The following CSMD1 variants were observed in gnomAD, a reference collection of about 807,000 sequenced individuals.
CSMD1 encodes CUB and sushi domain-containing protein 1.
CSMD1 carries 213 observed loss-of-function variants against 417.5 expected under a neutral mutation model. The observed-to-expected ratio is 0.51, with a 90% CI of 0.46 to 0.57. The LOEUF is 0.57. CSMD1 is among the 20% of genes least tolerant of loss of function. The pLI, the probability that CSMD1 is intolerant of heterozygous loss-of-function variation, is 0.00. For synonymous variants in CSMD1, 2,862 were observed against 1,736.8 expected, an observed-to-expected ratio of 1.65 and a Z score of -16.11; for missense variants, 6,923 against 4,529.7, an observed-to-expected ratio of 1.53 and a Z score of -15.17.
intron 5 of CSMD1, among the ~76,000 whole-genome samples, chr8:3,769,798 T>A (rs73658239): frequency 6.6e-6 from 1 of 152,184 alleles, no homozygotes; most frequent in African/African-American, 2.4e-5. Context: ...TTATAGCACA[T>A]CACCTTACGA....
Position 3,721,118 on chromosome 8 carries a change from C to T in CSMD1, c.932-12627G>A, listed in dbSNP as rs113395662. Reference sequence around the variant, plus strand: ...GATTACAGGTGTGAGCCACCATGCCCGGCCAGTTGCGACTTTTGCATAATG... The same window carrying T: ...GATTACAGGTGTGAGCCACCATGCCTGGCCAGTTGCGACTTTTGCATAATG... On this transcript the variant is annotated intron_variant, in intron 6 of 69. Transcript: ENST00000635120. Among the ~76,000 whole-genome samples the T allele has an allele frequency of 6.3e-3, 964 of 152,284 alleles. 7 individuals carry two copies. The highest frequency in any genetic ancestry group is 0.021 in the African/African-American group (855 of 41,546).
intron 26 of CSMD1, among the ~76,000 whole-genome samples, chr8:3,232,312 T>C (rs1352416112): frequency 6.6e-6 from 1 of 152,354 alleles, no homozygotes; most frequent in South Asian, 2.1e-4. Context: ...TCTCTCTGTC[T>C]TAAATGCTTA....
At chr8:3,401,375 A>C (rs1023130135) in intron 15 of CSMD1, among the ~76,000 whole-genome samples, 2 of 152,102 alleles carry the variant, frequency 1.3e-5, no homozygotes, top group Non-Finnish European at 2.9e-5. Flanking sequence ...CCAAATATTA[A>C]TTATTTTATT....
At chr8:4,214,221 G>T (rs866891762) in intron 3 of CSMD1, among the ~76,000 whole-genome samples, 8 of 152,134 alleles carry the variant, frequency 5.3e-5, no homozygotes, top group African/African-American at 1.9e-4. Flanking sequence ...TAAATGAATG[G>T]ACTAAAATGG....
intron 18 of CSMD1, among the ~76,000 whole-genome samples, chr8:3,380,071 G>A (rs1355758176): frequency 1.3e-5 from 2 of 152,164 alleles, no homozygotes; most frequent in Admixed American, 1.3e-4. Flanking sequence ...ATCAAAAAGT[G>A]GGTGAAGGAT....
At chr8:4,554,979 G>T (rs889964504) in intron 2 of CSMD1, among the ~76,000 whole-genome samples, 1 of 152,154 alleles carries the variant, frequency 6.6e-6, no homozygotes, top group Non-Finnish European at 1.5e-5. Context: ...GGCCACCAGG[G>T]CCCCTGAGGA....
At chr8:4,791,992 T>C (rs1797718015) in intron 1 of CSMD1, among the ~76,000 whole-genome samples, 1 of 152,132 alleles carries the variant, frequency 6.6e-6, no homozygotes, top group Admixed American at 6.6e-5. Flanking sequence ...CTTTATAGTG[T>C]GTGTCTCAAA....
chr8:3,616,897 G>T (rs943955352), intron 7 of CSMD1, 100 bp from the exon 8 acceptor site: 7 of 710,652 alleles, frequency 9.9e-6, no homozygotes, highest in Non-Finnish European at 1.6e-5. Flanking sequence ...TAATGATAAT[G>T]ACTTAAAATG....
At position 4,637,458 on chromosome 8, in the gene CSMD1, G is replaced by C. The variant is rs36074048; in HGVS notation, c.186C>G (p.Ile62Met). 1 of 1,613,820 alleles carries C rather than the reference G, an allele frequency of 6.2e-7. No homozygotes were observed. Among genetic ancestry groups the C allele is most frequent in the Non-Finnish European group, 8.5e-7 (1 of 1,179,856 alleles). Residue 62 changes from isoleucine (I) to methionine (M), a missense_variant, in exon 2 of 70, where the codon ATC (isoleucine) becomes ATG (methionine). Ile to Met is a conservative substitution (Grantham distance 10). Transcript: ENST00000635120. ...GTATCCTATTGCGCTCGCCCGTGAT[G>C]ATGATCCAGGTGCAGTTGGCATAGT... ...YPNYANCTWI[I>M]ITGERNRIQL... is the part of the protein sequence containing the mutation.
At position 3,669,153 on chromosome 8, in the gene CSMD1, G is replaced by C. The variant is rs143912389; in HGVS notation, c.1009+39261C>G. ...CTCAAGGGCAGAATGGTTAAAACAA[G>C]GAAAGCACGTACAAATGAGCATAAA... is the stretch of plus-strand genomic sequence containing the variant. On this transcript the variant is annotated intron_variant, in intron 7 of 69. Transcript: ENST00000635120. Among the ~76,000 whole-genome samples the C allele has an allele frequency of 9.3e-3, 1,413 of 152,258 alleles. 15 individuals are homozygous for C. Among genetic ancestry groups the C allele is most frequent in the African/African-American group, 0.029 (1,189 of 41,554 alleles).
intron 1 of CSMD1, among the ~76,000 whole-genome samples, chr8:4,849,484 A>T (rs971380951): frequency 6.6e-6 from 1 of 152,068 alleles, no homozygotes; most frequent in Non-Finnish European, 1.5e-5. Flanking sequence ...CCTAGATCTC[A>T]CGTTCAATTA....
intron 5 of CSMD1, among the ~76,000 whole-genome samples, chr8:3,895,508 G>A (rs866511090): frequency 2.6e-5 from 4 of 152,050 alleles, no homozygotes; most frequent in African/African-American, 9.7e-5. Flanking sequence ...ATCAATTTAA[G>A]TGTATCTATC....
At chr8:4,504,084 T>C (rs182837244) in intron 2 of CSMD1, among the ~76,000 whole-genome samples, 24 of 152,260 alleles carry the variant, frequency 1.6e-4, no homozygotes, top group Non-Finnish European at 3.1e-4. Flanking sequence ...AATCCTACTA[T>C]GTCCACTGAT....
chr8:3,799,572 G>C (rs546884891), intron 5 of CSMD1, among the ~76,000 whole-genome samples: 1 of 151,828 alleles, frequency 6.6e-6, no homozygotes, highest in African/African-American at 2.4e-5. Context: ...CTTATCATTT[G>C]AAACTGAATA....
intron 1 of CSMD1, among the ~76,000 whole-genome samples, chr8:4,651,699 T>G (rs1250773771): frequency 3.9e-5 from 6 of 152,210 alleles, no homozygotes; most frequent in African/African-American, 1.4e-4. Flanking sequence ...CTGTCATTAT[T>G]ATTTCAACAT....
intron 2 of CSMD1, among the ~76,000 whole-genome samples, chr8:4,503,000 G>T (rs1473748824): frequency 6.6e-6 from 1 of 151,834 alleles, no homozygotes; most frequent in Non-Finnish European, 1.5e-5. Flanking sequence ...TCTGGCACAG[G>T]AAATAAAAAA....
intron 1 of CSMD1, among the ~76,000 whole-genome samples, chr8:4,983,800 C>T (rs755294953): frequency 1.3e-5 from 2 of 150,278 alleles, no homozygotes; most frequent in African/African-American, 2.5e-5. Context: ...TAGTAACTGA[C>T]AAAAAAATTA....
chr8:3,352,130 C>G (rs1808464057), intron 21 of CSMD1, among the ~76,000 whole-genome samples: 1 of 152,124 alleles, frequency 6.6e-6, no homozygotes, highest in Non-Finnish European at 1.5e-5. Flanking sequence ...TTGGCATCTC[C>G]AAAGGCCTAC....
At chr8:3,670,203 AC>A (rs1263307015) in intron 7 of CSMD1, among the ~76,000 whole-genome samples, 3 of 151,934 alleles carry the variant, frequency 2.0e-5, no homozygotes, top group Non-Finnish European at 4.4e-5. Context: ...CTGGGTGGGT[AC>A]CCTCTAATCA....
Sources: gnomAD v4.1 joint callset for allele counts (sites outside exome capture counted in the v4.1 genomes callset) on GRCh38, gnomAD v4.1.1 for gene constraint, MANE v1.5 for transcripts, NCBI Gene and HGNC (gene_info 2026-07-23, HGNC 2026-07-21) for gene names.